Variants in GALNT15 observed in about 807,000 individuals in gnomAD.
The protein encoded by GALNT15 is UDP-GalNAc transferase T15.
GALNT15 carries 67 observed loss-of-function variants against 66.8 expected under a neutral mutation model. That is an observed-to-expected ratio of 1.00 (90% confidence interval 0.82 to 1.23). The LOEUF is 1.23. GALNT15 is among the 50% of genes most tolerant of loss of function. The pLI is 0.00. For missense variants in GALNT15, 827 were observed against 804.3 expected (o/e 1.03, Z -0.34); for synonymous variants, 313 against 311.5 (o/e 1.00, Z -0.05).
At position 16,175,599 on chromosome 3, in the gene GALNT15, A is replaced by T; in HGVS notation, c.448A>T (p.Thr150Ser). The change falls in exon 1 of 10, where the codon ACC (threonine) becomes TCC (serine). Residue 150 changes from threonine (T) to serine (S), a missense_variant. Physicochemically the swap from Thr to Ser is moderately conservative, Grantham distance 58. Coordinates refer to ENST00000339732, the MANE Select transcript of GALNT15 (RefSeq NM_054110.5). This position sits in a 1 kb window ranked among gnomAD's most constrained non-coding sequence, Gnocchi z 5.6. ...GGAGGTGTCTGAAGAAGAGGAGTTGACCCCGTTCAGCCTGGACCCACGTGG... is the reference window on the plus strand; with the variant it reads ...GGAGGTGTCTGAAGAAGAGGAGTTGTCCCCGTTCAGCCTGGACCCACGTGG... Reference protein sequence around the residue: ...DGEVSEEEELTPFSLDPRGLQ... With the variant: ...DGEVSEEEELSPFSLDPRGLQ... The T allele has an allele frequency of 6.2e-7, 1 of 1,613,234 alleles. No individual in the cohort carries two copies. Among genetic ancestry groups the T allele is most frequent in the Non-Finnish European group, 8.5e-7 (1 of 1,179,918 alleles).
In GALNT15 at chr3:16,212,583, T is replaced by A. The variant is rs2063828224; in HGVS notation, c.1212T>A (p.Gly404=). The A allele has an allele frequency of 6.2e-7, 1 of 1,613,656 alleles. No individual in the cohort carries two copies. The highest frequency in any genetic ancestry group is 8.5e-7 in the Non-Finnish European group (1 of 1,179,770). Residue 404 remains glycine (G), a synonymous_variant, in exon 6 of 10, where the codon GGT becomes GGA. Coordinates refer to ENST00000339732, the MANE Select transcript of GALNT15 (RefSeq NM_054110.5). The part of the protein sequence containing the change: ...LELSFKAWLC[G]GSVEILPCSR... Reference sequence around the variant, plus strand: ...CTTCGTGGCAGGCCTGGCTCTGTGGTGGCTCTGTTGAAATCCTTCCCTGCT... The same window carrying A: ...CTTCGTGGCAGGCCTGGCTCTGTGGAGGCTCTGTTGAAATCCTTCCCTGCT...
At position 16,229,093 on chromosome 3, in the gene GALNT15, C is replaced by G; in HGVS notation, c.*1593C>G. The G allele has an allele frequency of 1.0e-6, 1 of 985,408 alleles. No individual in the cohort carries two copies. The highest frequency in any genetic ancestry group is 1.2e-6 in the Non-Finnish European group (1 of 829,918). 61.0% of individuals were successfully genotyped at this position (985,408 alleles called of 1,614,324 possible). On this transcript the variant is annotated 3_prime_UTR_variant, in exon 10 of 10. Transcript: ENST00000339732. ...CACATGGTCAGCTTAGAAATCTTCC[C>G]CTAAAGATGCTAATCTCCTTTGGGC...
Position 16,224,484 on chromosome 3 carries a change from ATAG to A in GALNT15, c.1773+1728_1773+1730del, listed in dbSNP as rs771438843. On this transcript the variant is annotated intron_variant, in intron 9 of 9. Transcript: ENST00000339732. This position sits in a 1 kb window ranked among gnomAD's most constrained non-coding sequence, Gnocchi z 5.2. ...CAAATTAATAGAAACAGAAAGTAAA[ATAG>A]TGGTTACCAGAGGCAGGCAGAGGAG... 2.6e-5 allele frequency among the ~76,000 whole-genome samples: 4 copies of A among 152,194 alleles called. No individual in the cohort carries two copies. The highest frequency in any genetic ancestry group is 6.5e-5 in the Admixed American group (1 of 15,280).
In GALNT15 at chr3:16,195,745, C is replaced by A; in HGVS notation, c.540-15C>A. ...CCTTCTCTTCCCCATGGCTCTCTGG[C>A]TCTCTTCCCTGCAGGTGTCTGCAGC... On this transcript the variant is annotated splice_polypyrimidine_tract_variant and intron_variant, in intron 1 of 9. Transcript: ENST00000339732. The surrounding 1 kb of genome is among the most constrained non-coding windows in gnomAD (Gnocchi z 4.6). 1.9e-6 allele frequency: 3 copies of A among 1,602,052 alleles called. No individual in the cohort carries two copies. The East Asian group carries it at 6.7e-5, about 36-fold the overall frequency.
At chr3:16,240,359 C>T in the GALNT15 span, among the ~76,000 whole-genome samples, 6 of 152,160 alleles carry the variant, frequency 3.9e-5, no homozygotes, top group African/African-American at 9.7e-5. Flanking sequence ...GAACCACTGG[C>T]GTGGATGACT....
chr3:16,226,619 A>T (rs11922713), intron 9 of GALNT15, among the ~76,000 whole-genome samples: 1 of 135,008 alleles, frequency 7.4e-6, no homozygotes, highest in African/African-American at 2.8e-5. Context: ...GCAAGGGGGA[A>T]GTCTGCCCCA....
chr3:16,222,216 C>T (rs746059641), intron 8 of GALNT15, among the ~76,000 whole-genome samples: 14 of 152,184 alleles, frequency 9.2e-5, no homozygotes, highest in Non-Finnish European at 1.8e-4. Flanking sequence ...ATACAACAAA[C>T]GGCAGGAAAG....
At position 16,184,578 on chromosome 3, in the gene GALNT15, C is replaced by T. The variant is rs1168050743; in HGVS notation, c.539+8888C>T. Among the ~76,000 whole-genome samples, 2 of 152,220 alleles carry T rather than the reference C, an allele frequency of 1.3e-5. No homozygotes were observed. Among genetic ancestry groups the T allele is most frequent in the African/African-American group, 4.8e-5 (2 of 41,456 alleles). On this transcript the variant is annotated intron_variant, in intron 1 of 9. Coordinates refer to ENST00000339732, the MANE Select transcript of GALNT15 (RefSeq NM_054110.5). This position sits in a 1 kb window ranked among gnomAD's most constrained non-coding sequence, Gnocchi z 5.0. ...TCCCTACATCCAGAACGTCTCACTA[C>T]AGCTGCTGAATAATGATTTGGTTAT... is the stretch of plus-strand genomic sequence containing the variant.
Position 16,228,640 on chromosome 3 carries a change from C to CAAAAAA in GALNT15, c.*1150_*1155dup, listed in dbSNP as rs61372830. The CAAAAAA allele has an allele frequency of 1.2e-6, 1 of 817,300 alleles. No homozygotes were observed. The highest frequency in any genetic ancestry group is 1.5e-6 in the Non-Finnish European group (1 of 684,414). The allele number at this position is 817,300 out of a possible 1,614,324, so 50.6% of individuals were successfully genotyped here. ...TGGGTGACAGAGTGAGACTCCATCTCAAAAAAAAAAAAAAAGAGAGAAACT... is the reference window on the plus strand; with the variant it reads ...TGGGTGACAGAGTGAGACTCCATCTCAAAAAAAAAAAAAAAAAAAAAGAGAGAAACT... On this transcript the variant is annotated 3_prime_UTR_variant, in exon 10 of 10. Coordinates refer to ENST00000339732, the MANE Select transcript of GALNT15 (RefSeq NM_054110.5).
In GALNT15 at chr3:16,221,637, A is replaced by C. The variant is rs565111965; in HGVS notation, c.1630-978A>C. Among the ~76,000 whole-genome samples, 8 of 152,344 alleles carry C rather than the reference A, an allele frequency of 5.3e-5. No homozygotes were observed. The East Asian group carries it at 1.5e-3, about 29-fold the overall frequency. On this transcript the variant is annotated intron_variant, in intron 8 of 9. Coordinates refer to ENST00000339732, the MANE Select transcript of GALNT15 (RefSeq NM_054110.5). Reference sequence around the variant, plus strand: ...ATAGCAAGCCAGCTTTGACCTTCAAAGGGTAACCTGTCCTTGAAAAGTTTG... The same window carrying C: ...ATAGCAAGCCAGCTTTGACCTTCAACGGGTAACCTGTCCTTGAAAAGTTTG...
intron 2 of GALNT15, among the ~76,000 whole-genome samples, chr3:16,199,278 T>G (rs1463216908): frequency 7.1e-6 from 1 of 141,324 alleles, no homozygotes; most frequent in Non-Finnish European, 1.6e-5. Context: ...CCTAACAAGC[T>G]TCTCTCATCC....
intron 9 of GALNT15, among the ~76,000 whole-genome samples, chr3:16,226,151 A>G (rs1486665772): frequency 6.6e-6 from 1 of 152,196 alleles, no homozygotes; most frequent in Non-Finnish European, 1.5e-5. Context: ...GAAAATCCAT[A>G]AATATAGAAA....
chr3:16,243,881 T>C, the GALNT15 span: 1 of 386,894 alleles, frequency 2.6e-6, no homozygotes, highest in Non-Finnish European at 3.5e-6. Flanking sequence ...TGTGGTCTTG[T>C]TGTCTCACTC....
intron 2 of GALNT15, among the ~76,000 whole-genome samples, chr3:16,199,235 C>T (rs2063674010): frequency 7.1e-6 from 1 of 141,166 alleles, no homozygotes; most frequent in African/African-American, 2.7e-5. Flanking sequence ...CACTCACACA[C>T]ACAATCAAGT....
chr3:16,220,038 T>G (rs754516694), intron 8 of GALNT15, 24 bp downstream of exon 8: 1 of 1,555,236 alleles, frequency 6.4e-7, no homozygotes, highest in South Asian at 1.1e-5. Context: ...CTTCTCAGGA[T>G]GGATGATAGC....
rs935315883 is a variant in GALNT15, at chr3:16,225,901, T to C, written c.1774-1453T>C. The stretch of plus-strand genomic sequence containing the variant: ...CATCTCTACTAAAAATACAAAAAAT[T>C]AGCTGGGCATGGTGTCACATGCCTG... On this transcript the variant is annotated intron_variant, in intron 9 of 9. Transcript: ENST00000339732. The surrounding 1 kb of genome is among the most constrained non-coding windows in gnomAD (Gnocchi z 4.4). Among the ~76,000 whole-genome samples the C allele has an allele frequency of 2.4e-4, 37 of 151,316 alleles. No individual in the cohort carries two copies. The highest frequency in any genetic ancestry group is 4.3e-4 in the Non-Finnish European group (29 of 67,852).
At chr3:16,220,463 G>T (rs560791272) in intron 8 of GALNT15, among the ~76,000 whole-genome samples, 29 of 152,294 alleles carry the variant, frequency 1.9e-4, no homozygotes, top group South Asian at 1.9e-3. Flanking sequence ...CATTAGGAAG[G>T]TCTCCTCATA....
chr3:16,207,421 T>C (rs1475707207), intron 3 of GALNT15, among the ~76,000 whole-genome samples: 6 of 147,210 alleles, frequency 4.1e-5, no homozygotes, highest in African/African-American at 1.5e-4. Flanking sequence ...CTGGGACACC[T>C]GAGTGATTAC....
chr3:16,179,455 A>G (rs145984275), intron 1 of GALNT15, among the ~76,000 whole-genome samples: 252 of 152,226 alleles, frequency 1.7e-3, no homozygotes, highest in Non-Finnish European at 2.7e-3. Context: ...GTCCATGGGG[A>G]GACAGTTGCG....
Sources: gnomAD v4.1 joint callset for allele counts (sites outside exome capture counted in the v4.1 genomes callset) on GRCh38, gnomAD v4.1.1 for gene constraint, Gnocchi (gnomAD v3.1) non-coding constraint, MANE v1.5 for transcripts, NCBI Gene and HGNC (gene_info 2026-07-23, HGNC 2026-07-21) for gene names.